HHAT: variants seen among roughly 807,000 people sequenced by gnomAD.
HHAT encodes the protein protein-cysteine N-palmitoyltransferase HHAT.
A neutral mutation model predicts 70.8 loss-of-function variants in HHAT; 47 were observed. That is an observed-to-expected ratio of 0.66 (90% CI 0.53 to 0.85). The LOEUF is 0.85. Among genes scored for constraint, HHAT ranks in the 40% least tolerant of loss-of-function variants. The pLI, the probability that HHAT is intolerant of heterozygous loss-of-function variation, is 0.00. For missense variants in HHAT, 609 were observed against 604.8 expected (o/e 1.01, Z -0.07); for synonymous variants, 228 against 247.6 (o/e 0.92, Z 0.74).
intron 10 of HHAT, among the ~76,000 whole-genome samples, chr1:210,615,850 G>C (rs1427513509): frequency 1.3e-5 from 2 of 152,156 alleles, no homozygotes; most frequent in African/African-American, 2.4e-5. Flanking sequence ...TGCCCCTACT[G>C]GGGGGTGCCT....
chr1:210,445,217 G>C (rs1412751858), intron 7 of HHAT, among the ~76,000 whole-genome samples: 1 of 152,152 alleles, frequency 6.6e-6, no homozygotes, highest in African/African-American at 2.4e-5. Context: ...ATAGAATTGT[G>C]CTAGTATCTC....
At chr1:210,483,959 A>G (rs192206517) in intron 8 of HHAT, among the ~76,000 whole-genome samples, 3 of 152,346 alleles carry the variant, frequency 2.0e-5, no homozygotes, top group Admixed American at 6.5e-5. Flanking sequence ...CTAGTTAAGA[A>G]GCAGAGCCCA....
At chr1:210,383,848 G>A (rs2090843661) in intron 3 of HHAT, among the ~76,000 whole-genome samples, 1 of 152,174 alleles carries the variant, frequency 6.6e-6, no homozygotes, top group Non-Finnish European at 1.5e-5. Flanking sequence ...ACACATACTC[G>A]AGTGTTCATC....
At chr1:210,646,085 A>C (rs1337633499) in intron 11 of HHAT, among the ~76,000 whole-genome samples, 1 of 152,180 alleles carries the variant, frequency 6.6e-6, no homozygotes, top group Non-Finnish European at 1.5e-5. Flanking sequence ...GAGTCCTCCA[A>C]AATCTGCTGA....
At chr1:210,639,984 C>G (rs1428641267) in intron 11 of HHAT, among the ~76,000 whole-genome samples, 1 of 152,164 alleles carries the variant, frequency 6.6e-6, no homozygotes, top group Admixed American at 6.5e-5. Context: ...TTGGAATGTT[C>G]CTTGTACTAC....
At chr1:210,523,112 C>T (rs1244997357) in intron 9 of HHAT, among the ~76,000 whole-genome samples, 3 of 152,088 alleles carry the variant, frequency 2.0e-5, no homozygotes, top group Admixed American at 2.0e-4. Context: ...ATCAGTCTCA[C>T]AGAAACCCAG....
chr1:210,488,200 C>T (rs2094501099), intron 8 of HHAT, among the ~76,000 whole-genome samples: 1 of 152,168 alleles, frequency 6.6e-6, no homozygotes, highest in South Asian at 2.1e-4. Flanking sequence ...CTATAAAGGT[C>T]ACCTGGCTCT....
At chr1:210,456,460 G>A (rs935962976) in intron 7 of HHAT, among the ~76,000 whole-genome samples, 1 of 152,228 alleles carries the variant, frequency 6.6e-6, no homozygotes, top group Non-Finnish European at 1.5e-5. Context: ...GAGCACCAGA[G>A]GGTCAACTAC....
intron 6 of HHAT, 32 bp from the exon 7 acceptor site, chr1:210,418,122 C>A: frequency 1.2e-6 from 2 of 1,608,586 alleles, no homozygotes; most frequent in Non-Finnish European, 1.7e-6. Context: ...AATCAAGGCA[C>A]CATCGAATGA....
intron 4 of HHAT, among the ~76,000 whole-genome samples, chr1:210,394,229 C>CTTTTTTTT (rs59554789): frequency 2.8e-4 from 32 of 116,318 alleles, no homozygotes; most frequent in South Asian, 6.2e-4. Context: ...CATGATCTAT[C>CTTTTTTTT]TTTTTTTTTT....
chr1:210,606,878 A>G (rs1665560864), intron 10 of HHAT, among the ~76,000 whole-genome samples: 2 of 152,188 alleles, frequency 1.3e-5, no homozygotes, highest in South Asian at 4.1e-4. Context: ...TTCTGTTGAG[A>G]AATGCCATTT....
At chr1:210,493,515 A>G (rs1572822525) in intron 8 of HHAT, among the ~76,000 whole-genome samples, 1 of 152,330 alleles carries the variant, frequency 6.6e-6, no homozygotes, top group East Asian at 1.9e-4. Flanking sequence ...AATGTTCATC[A>G]TATTTTGAAA....
At chr1:210,472,818 C>T (rs1379607444) in intron 8 of HHAT, among the ~76,000 whole-genome samples, 1 of 152,082 alleles carries the variant, frequency 6.6e-6, no homozygotes, top group Non-Finnish European at 1.5e-5. Flanking sequence ...AAAGGCAGGA[C>T]AACTTGAAGT....
At chr1:210,418,033 A>G in intron 6 of HHAT, 121 bp from the exon 7 acceptor site, 1 of 942,406 alleles carries the variant, frequency 1.1e-6, no homozygotes, top group Non-Finnish European at 1.7e-6. Flanking sequence ...GACAAACCAA[A>G]CCAACCCTCT....
At chr1:210,481,039 A>G (rs1038463267) in intron 8 of HHAT, among the ~76,000 whole-genome samples, 4 of 152,172 alleles carry the variant, frequency 2.6e-5, no homozygotes, top group African/African-American at 9.7e-5. Context: ...AGCTGGTAAG[A>G]CAGATAATTA....
At chr1:210,418,615 G>A (rs1042096762) in intron 7 of HHAT, among the ~76,000 whole-genome samples, 1 of 152,174 alleles carries the variant, frequency 6.6e-6, no homozygotes, top group Non-Finnish European at 1.5e-5. Context: ...TCACAGCGTA[G>A]CCAATATTGT....
chr1:210,655,376 G>C (rs1030891115), intron 11 of HHAT, among the ~76,000 whole-genome samples: 1 of 152,162 alleles, frequency 6.6e-6, no homozygotes, highest in Non-Finnish European at 1.5e-5. Flanking sequence ...TGTCTCCTCT[G>C]ACCCTGTAGA....
chr1:210,553,534 C>T (rs1192507616), intron 9 of HHAT, among the ~76,000 whole-genome samples: 1 of 152,210 alleles, frequency 6.6e-6, no homozygotes, highest in Non-Finnish European at 1.5e-5. Flanking sequence ...GTCTGGGTAT[C>T]GGAGTTACAG....
intron 3 of HHAT, among the ~76,000 whole-genome samples, chr1:210,384,763 T>G (rs770170577): frequency 2.0e-5 from 3 of 152,224 alleles, no homozygotes; most frequent in Non-Finnish European, 2.9e-5. Flanking sequence ...GATCATGATG[T>G]TGTTCCTGAT....
Sources: gnomAD v4.1 joint callset for allele counts (sites outside exome capture counted in the v4.1 genomes callset) on GRCh38, gnomAD v4.1.1 for gene constraint, MANE v1.5 for transcripts, NCBI Gene and HGNC (gene_info 2026-07-23, HGNC 2026-07-21) for gene names.